Variants in SUPT4H1 observed in about 807,000 individuals in gnomAD.
SUPT4H1 encodes the protein transcription elongation factor SPT4.
SUPT4H1 carries 12 observed loss-of-function variants against 19.4 expected under a neutral mutation model. The ratio of observed to expected loss-of-function variants is 0.62; its 90% CI spans 0.40 to 1.00. The LOEUF (loss-of-function observed/expected upper bound fraction) is 1.00. SUPT4H1 is among the 50% of genes least tolerant of loss of function. The probability of loss-of-function intolerance (pLI) is 0.00; values close to 1 mark genes in which losing one functional copy is unlikely to be tolerated. For missense variants in SUPT4H1, 115 were observed against 149.2 expected (o/e 0.77, Z 1.19); for synonymous variants, 58 against 56.3 (o/e 1.03, Z -0.14).
chr17:58,351,143 A>G (rs1206260101), intron 2 of SUPT4H1, among the ~76,000 whole-genome samples: 3 of 151,416 alleles, frequency 2.0e-5, no homozygotes, highest in African/African-American at 7.3e-5. Context: ...GCTTACACCT[A>G]TAATCCCAGC....
At position 58,346,264 on chromosome 17, in the gene SUPT4H1, GTC is replaced by G; in HGVS notation, c.334_335del (p.Asp112HisfsTer31). 1 of 1,614,050 alleles carries G rather than the reference GTC, an allele frequency of 6.2e-7. No homozygotes were observed. The highest frequency in any genetic ancestry group is 8.5e-7 in the Non-Finnish European group (1 of 1,179,950). On this transcript the variant is annotated frameshift_variant, in exon 5 of 5. Transcript: ENST00000225504. LOFTEE classifies it high-confidence loss of function. Reference sequence around the variant, plus strand: ...CATCTTGCTAGGTCTTTATAGCTGTGTCTCTGGATTTGTAGGCCACTCCTCGA... The same window carrying G: ...CATCTTGCTAGGTCTTTATAGCTGTGTCTGGATTTGTAGGCCACTCCTCGA... ...KSRGVAYKSRDTAIKT is the reference protein window; with the variant it reads ...KSRGVAYKSRXTAIKT
intron 2 of SUPT4H1, among the ~76,000 whole-genome samples, chr17:58,348,545 C>G (rs1328905195): frequency 6.6e-6 from 1 of 152,162 alleles, no homozygotes; most frequent in East Asian, 1.9e-4. Context: ...TCCTCCTGAC[C>G]ACAAGTATAT....
chr17:58,350,200 G>C (rs2143320272), intron 2 of SUPT4H1, among the ~76,000 whole-genome samples: 1 of 152,102 alleles, frequency 6.6e-6, no homozygotes, highest in East Asian at 1.9e-4. Flanking sequence ...GTAGGAGGCG[G>C]AGGTTGCAGT....
At chr17:58,347,898 T>C (rs545403262) in intron 2 of SUPT4H1, among the ~76,000 whole-genome samples, 4 of 152,292 alleles carry the variant, frequency 2.6e-5, no homozygotes, top group African/African-American at 9.6e-5. Flanking sequence ...TAGTTACAAC[T>C]AACACAACTA....
chr17:58,347,888 T>C (rs111239284), intron 2 of SUPT4H1, among the ~76,000 whole-genome samples: 23 of 152,294 alleles, frequency 1.5e-4, no homozygotes, highest in Non-Finnish European at 2.8e-4. Flanking sequence ...AGGGGTCCAA[T>C]AGTTACAACT....
intron 2 of SUPT4H1, among the ~76,000 whole-genome samples, chr17:58,351,136 T>C (rs1253853083): frequency 6.6e-6 from 1 of 150,962 alleles, no homozygotes; most frequent in Non-Finnish European, 1.5e-5. Flanking sequence ...CACAGTGGCT[T>C]ACACCTATAA....
At chr17:58,348,237 G>A (rs983140884) in intron 2 of SUPT4H1, among the ~76,000 whole-genome samples, 4 of 152,210 alleles carry the variant, frequency 2.6e-5, no homozygotes, top group African/African-American at 9.7e-5. Flanking sequence ...AGGGCTAGAA[G>A]ATGCTGCTTG....
At chr17:58,350,435 TGGGAGGCG>T (rs1044154040) in intron 2 of SUPT4H1, among the ~76,000 whole-genome samples, 1 of 149,478 alleles carries the variant, frequency 6.7e-6, no homozygotes, top group African/African-American at 2.5e-5. Context: ...TGCTTGAACC[TGGGAGGCG>T]GAGGTTGCAG....
intron 1 of SUPT4H1, 101 bp downstream of exon 1, chr17:58,351,966 T>A: frequency 7.7e-7 from 1 of 1,302,406 alleles, no homozygotes. Flanking sequence ...CTCTGAGTTC[T>A]GAGACTTAAC....
chr17:58,347,724 G>C, intron 2 of SUPT4H1, 140 bp from the exon 3 acceptor site: 1 of 785,874 alleles, frequency 1.3e-6, no homozygotes, highest in Non-Finnish European at 2.2e-6. Flanking sequence ...GTTGGGATGA[G>C]GCTGACTCAA....
Position 58,345,508 on chromosome 17 carries a change from A to G in SUPT4H1, c.*738T>C, listed in dbSNP as rs1972254161. The G allele has an allele frequency of 6.6e-6, 1 of 152,096 alleles. No individual in the cohort carries two copies. Among genetic ancestry groups the G allele is most frequent in the Non-Finnish European group, 1.5e-5 (1 of 68,016 alleles). 9.4% of individuals were successfully genotyped at this position (152,096 alleles called of 1,614,324 possible). ...GGAGACTAGGACTCAATGGTCGCCCAAGGCCCAAGGGTCTCCAGTGAGTGC... is the reference window on the plus strand; with the variant it reads ...GGAGACTAGGACTCAATGGTCGCCCGAGGCCCAAGGGTCTCCAGTGAGTGC... On this transcript the variant is annotated 3_prime_UTR_variant, in exon 5 of 5. Transcript: ENST00000225504.
chr17:58,347,273 A>T, intron 3 of SUPT4H1, 32 bp from the exon 4 acceptor site: 1 of 1,611,648 alleles, frequency 6.2e-7, no homozygotes, highest in African/African-American at 1.3e-5. Context: ...ACAAGATTAC[A>T]GTGAAGTTAG....
At chr17:58,347,096 TC>T in intron 4 of SUPT4H1, 91 bp downstream of exon 4, 1 of 1,302,438 alleles carries the variant, frequency 7.7e-7, no homozygotes, top group Non-Finnish European at 1.1e-6. Context: ...ATGCTGAACC[TC>T]ATAGAATGTG....
intron 2 of SUPT4H1, among the ~76,000 whole-genome samples, chr17:58,348,671 T>A (rs1476053507): frequency 6.6e-6 from 1 of 152,160 alleles, no homozygotes; most frequent in East Asian, 1.9e-4. Flanking sequence ...GTTTTTCCCA[T>A]CCTAAGCCTT....
intron 1 of SUPT4H1, 110 bp downstream of exon 1, chr17:58,351,955 CCT>C: frequency 8.7e-7 from 1 of 1,150,790 alleles, no homozygotes; most frequent in Non-Finnish European, 1.3e-6. Context: ...CCCCCTGCCA[CCT>C]CTGAGTTCTG....
Position 58,346,080 on chromosome 17 carries a change from G to A in SUPT4H1, c.*166C>T. 1.7e-6 allele frequency: 1 copy of A among 600,028 alleles called. No homozygotes were observed. Among genetic ancestry groups the A allele is most frequent in the South Asian group, 1.9e-5 (1 of 52,470 alleles). The allele number at this position is 600,028 out of a possible 1,614,324, so 37.2% of individuals were successfully genotyped here. On this transcript the variant is annotated 3_prime_UTR_variant, in exon 5 of 5. Coordinates refer to ENST00000225504, the MANE Select transcript of SUPT4H1 (RefSeq NM_003168.3). ...CCAAATCCCTCCCACCCCACCTGTA[G>A]TCCAAAGAAGATAAAATGATAAAAT... is the stretch of plus-strand genomic sequence containing the variant.
chr17:58,352,025 T>C, intron 1 of SUPT4H1, 42 bp downstream of exon 1: 1 of 1,609,278 alleles, frequency 6.2e-7, no homozygotes, highest in Non-Finnish European at 8.5e-7. Flanking sequence ...TTCCCCGACC[T>C]TGGTCCCCCA....
intron 2 of SUPT4H1, among the ~76,000 whole-genome samples, chr17:58,349,126 T>C (rs998572294): frequency 1.3e-5 from 2 of 152,196 alleles, no homozygotes; most frequent in African/African-American, 4.8e-5. Flanking sequence ...AATGGTGCAG[T>C]TGCTAAACAG....
intron 2 of SUPT4H1, among the ~76,000 whole-genome samples, chr17:58,348,371 G>A (rs1373989251): frequency 6.6e-6 from 1 of 152,114 alleles, no homozygotes; most frequent in African/African-American, 2.4e-5. Flanking sequence ...TCTTCTCTCA[G>A]TAACAATCTT....
Sources: allele counts gnomAD v4.1 joint callset (sites outside exome capture counted in the v4.1 genomes callset), GRCh38; gene constraint gnomAD v4.1.1; transcripts MANE v1.5; gene names NCBI Gene and HGNC (gene_info 2026-07-23, HGNC 2026-07-21).